Variants in PSPH observed in about 807,000 individuals in gnomAD.
PSPH encodes phosphoserine phosphatase.
A neutral mutation model predicts 23.4 loss-of-function variants in PSPH; 16 were observed. The ratio of observed to expected loss-of-function variants is 0.68; its 90% CI spans 0.46 to 1.04. PSPH has a LOEUF of 1.04. Ranked by LOEUF, PSPH falls within the 50% of genes least tolerant of loss-of-function variation. The probability of loss-of-function intolerance (pLI) is 0.00; values close to 1 mark genes in which losing one functional copy is unlikely to be tolerated. For missense variants in PSPH, 223 were observed against 273.7 expected (o/e 0.81, Z 1.31); for synonymous variants, 68 against 99.7 (o/e 0.68, Z 1.89).
At chr7:56,024,253 C>G (rs1789867234) in intron 3 of PSPH, among the ~76,000 whole-genome samples, 1 of 151,974 alleles carries the variant, frequency 6.6e-6, no homozygotes, top group African/African-American at 2.4e-5. Flanking sequence ...ATTCTGTCAC[C>G]TAGGCTGGAG....
intron 1 of PSPH, among the ~76,000 whole-genome samples, chr7:56,037,644 T>C (rs546695704): frequency 6.6e-6 from 1 of 152,178 alleles, no homozygotes; most frequent in East Asian, 1.9e-4. Flanking sequence ...CAAGCCCAAG[T>C]GTGATCCACT....
intron 1 of PSPH, among the ~76,000 whole-genome samples, chr7:56,035,684 A>G (rs1281238619): frequency 3.3e-5 from 5 of 151,190 alleles, no homozygotes; most frequent in African/African-American, 1.2e-4. Context: ...CAGTGGTGCT[A>G]TCTCAGCTCA....
chr7:56,040,007 G>A (rs960116275), intron 1 of PSPH, among the ~76,000 whole-genome samples: 2 of 151,612 alleles, frequency 1.3e-5, no homozygotes, highest in African/African-American at 4.8e-5. Context: ...GCTGAGGCAG[G>A]AGAATGGCGT....
chr7:56,038,050 A>G (rs1791965598), intron 1 of PSPH, among the ~76,000 whole-genome samples: 1 of 151,702 alleles, frequency 6.6e-6, no homozygotes, highest in South Asian at 2.1e-4. Context: ...AGAATCATGT[A>G]CTCTTTTTAT....
intron 3 of PSPH, among the ~76,000 whole-genome samples, chr7:56,027,747 G>A (rs1207184425): frequency 6.7e-6 from 1 of 148,806 alleles, no homozygotes; most frequent in African/African-American, 2.5e-5. Context: ...ACTGACACTA[G>A]CAATAGTTTC....
In PSPH at chr7:56,015,038, T is replaced by G; in HGVS notation, c.555A>C (p.Glu185Asp). Residue 185 changes from glutamate to aspartate, a missense_variant, in exon 7 of 8, where the codon GAA (glutamate) becomes GAC (aspartate). By Grantham distance (45) the Glu-to-Asp change is conservative (BLOSUM62 2). Transcript: ENST00000275605. The part of the protein sequence containing the change: ...IMIGDGATDM[E>D]ACPPADAFIG... ...TAATACATACAGCAGGAGGACAGGC[T>G]TCCATATCTGTGGCACCATCTCCAA... 6.2e-7 allele frequency: 1 copy of G among 1,614,070 alleles called. No individual in the cohort carries two copies. The highest frequency in any genetic ancestry group is 8.5e-7 in the Non-Finnish European group (1 of 1,179,998).
chr7:56,022,690 A>G (rs1175378613), intron 3 of PSPH, among the ~76,000 whole-genome samples: 12 of 152,236 alleles, frequency 7.9e-5, no homozygotes, highest in Non-Finnish European at 4.4e-5. Context: ...AAAAAAGGTC[A>G]GAGCTAAATA....
intron 1 of PSPH, among the ~76,000 whole-genome samples, chr7:56,046,799 A>C (rs530862496): frequency 2.0e-3 from 182 of 92,880 alleles, no homozygotes; most frequent in Non-Finnish European, 3.5e-3. Flanking sequence ...ACTCCACCTC[A>C]AAAAAAAAAA....
chr7:56,036,024 T>C (rs1329253091), intron 1 of PSPH, among the ~76,000 whole-genome samples: 2 of 150,518 alleles, frequency 1.3e-5, no homozygotes, highest in Non-Finnish European at 3.0e-5. Flanking sequence ...AGGCCAGGAG[T>C]TCAAGACTAG....
chr7:56,013,055 A>G (rs1459730324), intron 7 of PSPH, among the ~76,000 whole-genome samples: 2 of 110,298 alleles, frequency 1.8e-5, no homozygotes, highest in Admixed American at 8.8e-5. Context: ...ACACACATAT[A>G]TGTATATGTG....
At chr7:56,027,094 A>G (rs1467551816) in intron 3 of PSPH, among the ~76,000 whole-genome samples, 1 of 151,918 alleles carries the variant, frequency 6.6e-6, no homozygotes, top group African/African-American at 2.4e-5. Flanking sequence ...CATCCCAGCT[A>G]CTCAGGAGGC....
chr7:56,017,134 A>G, intron 6 of PSPH, 100 bp downstream of exon 6: 1 of 1,568,032 alleles, frequency 6.4e-7, no homozygotes. Context: ...TCAATATTTA[A>G]CTCTGATGTG....
At chr7:56,042,166 G>C (rs1053413604) in intron 1 of PSPH, among the ~76,000 whole-genome samples, 2 of 147,108 alleles carry the variant, frequency 1.4e-5, no homozygotes, top group Admixed American at 1.4e-4. Flanking sequence ...GAGGTTTACA[G>C]TGAGCCAAGA....
chr7:56,019,438 C>T (rs914954034), intron 5 of PSPH, among the ~76,000 whole-genome samples, 162 bp downstream of exon 5: 27 of 126,272 alleles, frequency 2.1e-4, no homozygotes, highest in African/African-American at 7.3e-4. Flanking sequence ...GACTTCATCT[C>T]GAAAAAATAC....
At chr7:56,016,318 C>T (rs1475159782) in intron 6 of PSPH, among the ~76,000 whole-genome samples, 1 of 148,064 alleles carries the variant, frequency 6.8e-6, no homozygotes, top group Admixed American at 6.9e-5. Context: ...GCAGGAGAAT[C>T]GCTTGCACCC....
chr7:56,030,885 C>T lies in PSPH; in HGVS notation c.-20+1044G>A, dbSNP rs996101924. 4.0e-5 allele frequency among the ~76,000 whole-genome samples: 6 copies of T among 150,020 alleles called. No homozygotes were observed. The East Asian group carries it at 8.1e-4, about 20-fold the overall frequency. ...TTGTACTCCAGCCTGGGTGACAGAG[C>T]GAGACTCTGTGAAAACAAAAAACAA... On this transcript the variant is annotated intron_variant, in intron 3 of 7. Coordinates refer to ENST00000275605, the MANE Select transcript of PSPH (RefSeq NM_004577.4).
rs755768515 is a variant in PSPH at position 56,019,638 on chromosome 7, G to A, written c.237C>T (p.Leu79=). ...TCAGGTGTGGGGGTTGCTCTGCTAT[G>A]AGTCTCTGCACCTGCTCCCTGGAGG... ...IQPSREQVQR[L]IAEQPPHLTP... Residue 79 remains leucine (L), a synonymous_variant, in exon 5 of 8, where the codon CTC becomes CTT. Coordinates refer to ENST00000275605, the MANE Select transcript of PSPH (RefSeq NM_004577.4). 3 of 1,613,962 alleles carry A rather than the reference G, an allele frequency of 1.9e-6. No homozygotes were observed. The highest frequency in any genetic ancestry group is 2.5e-6 in the Non-Finnish European group (3 of 1,179,910).
At chr7:56,026,475 C>G (rs754439307) in intron 3 of PSPH, among the ~76,000 whole-genome samples, 1 of 121,750 alleles carries the variant, frequency 8.2e-6, no homozygotes, top group Non-Finnish European at 1.6e-5. Flanking sequence ...GGTGACAGAG[C>G]GAGACTCCAT....
intron 1 of PSPH, among the ~76,000 whole-genome samples, chr7:56,041,261 G>A (rs1402471952): frequency 2.1e-5 from 3 of 143,078 alleles, no homozygotes; most frequent in South Asian, 4.4e-4. Context: ...GGCCTAGGCT[G>A]GAGTGCAGTG....
Sources: allele counts gnomAD v4.1 joint callset (sites outside exome capture counted in the v4.1 genomes callset), GRCh38; gene constraint gnomAD v4.1.1; transcripts MANE v1.5; gene names NCBI Gene and HGNC (gene_info 2026-07-23, HGNC 2026-07-21).